The following SPATA6 variants were observed in gnomAD, a reference collection of about 807,000 sequenced individuals.
SPATA6 encodes spermatogenesis-associated protein 6.
In SPATA6, 56 loss-of-function variants were observed where a neutral mutation model predicts 65.3. The ratio of observed to expected loss-of-function variants is 0.86; its 90% CI spans 0.69 to 1.07. The LOEUF (loss-of-function observed/expected upper bound fraction) is 1.07, where lower values mean the gene tolerates loss of function less well. Ranked by LOEUF, SPATA6 falls within the 50% of genes least tolerant of loss-of-function variation. The pLI is 0.00. For missense variants in SPATA6, 590 were observed against 594.8 expected, an observed-to-expected ratio of 0.99 and a Z score of 0.08; for synonymous variants, 199 against 213.2, an observed-to-expected ratio of 0.93 and a Z score of 0.58.
intron 3 of SPATA6, among the ~76,000 whole-genome samples, chr1:48,422,127 GAGA>G (rs1345889726): frequency 6.6e-6 from 1 of 152,108 alleles, no homozygotes; most frequent in African/African-American, 2.4e-5. Flanking sequence ...GAAAGGGTGA[GAGA>G]AGAAAATATA....
intron 11 of SPATA6, among the ~76,000 whole-genome samples, chr1:48,309,136 C>A (rs1645135439): frequency 6.6e-6 from 1 of 151,990 alleles, no homozygotes; most frequent in Admixed American, 6.6e-5. Flanking sequence ...TTATTGAGCT[C>A]CTTAGATAAT....
intron 1 of SPATA6, among the ~76,000 whole-genome samples, chr1:48,463,562 C>G (rs1490339660): frequency 6.6e-6 from 1 of 151,896 alleles, no homozygotes; most frequent in Non-Finnish European, 1.5e-5. Context: ...GCCTTAAAGG[C>G]AGATATTACA....
chr1:48,437,954 C>T (rs1033386483), intron 3 of SPATA6, among the ~76,000 whole-genome samples: 1 of 150,628 alleles, frequency 6.6e-6, no homozygotes, highest in African/African-American at 2.4e-5. Flanking sequence ...TTTGTAAACA[C>T]ACCAATCAGC....
intron 11 of SPATA6, among the ~76,000 whole-genome samples, chr1:48,353,433 T>C (rs1344822559): frequency 6.7e-6 from 1 of 149,580 alleles, no homozygotes; most frequent in Non-Finnish European, 1.5e-5. Context: ...TTTTCATTCT[T>C]GAAAAAAAAA....
chr1:48,452,497 C>A (rs944291303), intron 2 of SPATA6, among the ~76,000 whole-genome samples: 2 of 151,964 alleles, frequency 1.3e-5, no homozygotes, highest in Admixed American at 1.3e-4. Context: ...AATTCTCCTG[C>A]CTCAGCCTCC....
intron 9 of SPATA6, among the ~76,000 whole-genome samples, chr1:48,361,564 G>C (rs1457119312): frequency 6.6e-6 from 1 of 152,104 alleles, no homozygotes. Flanking sequence ...GACTACAATA[G>C]TGAACAAAAC....
intron 11 of SPATA6, among the ~76,000 whole-genome samples, chr1:48,314,357 C>T (rs1242326583): frequency 1.3e-5 from 2 of 152,110 alleles, no homozygotes; most frequent in Non-Finnish European, 2.9e-5. Context: ...GACCACAGTG[C>T]AATCAAACTA....
At chr1:48,415,054 A>G (rs1035119842) in intron 3 of SPATA6, among the ~76,000 whole-genome samples, 2 of 152,206 alleles carry the variant, frequency 1.3e-5, no homozygotes, top group South Asian at 2.1e-4. Flanking sequence ...AAAGAAAATA[A>G]TATTTATTCA....
rs182012107 is a variant in SPATA6 at position 48,395,869 on chromosome 1, C to T, written c.781-515G>A. On this transcript the variant is annotated intron_variant, in intron 7 of 12. Transcript: ENST00000371847. Reference sequence around the variant, plus strand: ...ATGATACAAATGTATAAAAAAAATTCCTATTGATCAAAATTTAAAATTTTC... The same window carrying T: ...ATGATACAAATGTATAAAAAAAATTTCTATTGATCAAAATTTAAAATTTTC... 9.6e-4 allele frequency among the ~76,000 whole-genome samples: 146 copies of T among 151,692 alleles called. 1 individual carries two copies. The highest frequency in any genetic ancestry group is 1.6e-3 in the Non-Finnish European group (107 of 67,772).
chr1:48,286,386 CTTTGGTTAATTCCTAAGTA>C, the SPATA6 span, among the ~76,000 whole-genome samples: 1 of 152,074 alleles, frequency 6.6e-6, no homozygotes, highest in Non-Finnish European at 1.5e-5. Context: ...TCTTTCATCT[CTTTGGTTAATTCCTAAGTA>C]TTTTACTCTT....
chr1:48,466,427 A>G (rs1414837568), intron 1 of SPATA6, among the ~76,000 whole-genome samples: 2 of 152,138 alleles, frequency 1.3e-5, no homozygotes, highest in Admixed American at 6.6e-5. Flanking sequence ...ACACAGACAT[A>G]CACAAATACT....
chr1:48,325,824 A>G (rs1005986269), intron 11 of SPATA6: 14 of 428,528 alleles, frequency 3.3e-5, no homozygotes, highest in South Asian at 1.1e-4. Flanking sequence ...TGAGGCTCCA[A>G]CTGAATGTGA....
At chr1:48,359,814 C>T in intron 9 of SPATA6, 44 bp from the exon 10 acceptor site, 5 of 1,398,696 alleles carry the variant, frequency 3.6e-6, no homozygotes, top group Non-Finnish European at 4.9e-6. Context: ...AATACAGATA[C>T]ATATGTATAT....
At chr1:48,440,421 CA>C (rs1302061018) in intron 3 of SPATA6, among the ~76,000 whole-genome samples, 2 of 152,118 alleles carry the variant, frequency 1.3e-5, no homozygotes, top group African/African-American at 4.8e-5. Flanking sequence ...AGCTGCAGCC[CA>C]AGAGTTTGGA....
chr1:48,374,961 T>C (rs1647714485), intron 9 of SPATA6, among the ~76,000 whole-genome samples: 1 of 152,210 alleles, frequency 6.6e-6, no homozygotes, highest in Admixed American at 6.5e-5. Context: ...TAAACTCAGC[T>C]TTGCATATCA....
chr1:48,398,517 A>C (rs1356199080), intron 7 of SPATA6, among the ~76,000 whole-genome samples: 4 of 151,762 alleles, frequency 2.6e-5, no homozygotes, highest in Non-Finnish European at 5.9e-5. Context: ...ATTTTTATAG[A>C]TATCCCAAAA....
At chr1:48,405,252 C>T (rs188752304) in intron 5 of SPATA6, among the ~76,000 whole-genome samples, 3 of 152,162 alleles carry the variant, frequency 2.0e-5, no homozygotes, top group South Asian at 2.1e-4. Flanking sequence ...CTTCTGCAAA[C>T]GTATCTTCAT....
the SPATA6 span, among the ~76,000 whole-genome samples, chr1:48,285,478 A>G: frequency 4.0e-3 from 35 of 8,684 alleles, 2 homozygotes; most frequent in Admixed American, 0.032. Context: ...CTGGGGTATG[A>G]AAAAAAAAAA....
intron 11 of SPATA6, among the ~76,000 whole-genome samples, chr1:48,314,046 C>G (rs1432946958): frequency 6.6e-6 from 1 of 152,102 alleles, no homozygotes; most frequent in Non-Finnish European, 1.5e-5. Flanking sequence ...TAAAGCAAGT[C>G]CTTAGAGACC....
Sources: gnomAD v4.1 joint callset for allele counts (sites outside exome capture counted in the v4.1 genomes callset) on GRCh38, gnomAD v4.1.1 for gene constraint, MANE v1.5 for transcripts, NCBI Gene and HGNC (gene_info 2026-07-23, HGNC 2026-07-21) for gene names.